The following SLC31A1 variants were observed in gnomAD, a reference collection of about 807,000 sequenced individuals.
The protein encoded by SLC31A1 is high affinity copper uptake protein 1.
Under a neutral mutation model 17.2 loss-of-function variants are expected in SLC31A1, and 5 were observed. The observed-to-expected ratio is 0.29, with a 90% CI of 0.15 to 0.61. The LOEUF (loss-of-function observed/expected upper bound fraction) is 0.61. SLC31A1 is among the 20% of genes least tolerant of loss of function. SLC31A1 has a pLI of 0.86. For missense variants in SLC31A1, 161 were observed against 241.4 expected, an observed-to-expected ratio of 0.67 and a Z score of 2.21; for synonymous variants, 76 against 78.8, an observed-to-expected ratio of 0.96 and a Z score of 0.19.
chr9:113,223,497 T>A (rs1831309855), intron 1 of SLC31A1, among the ~76,000 whole-genome samples: 1 of 152,226 alleles, frequency 6.6e-6, no homozygotes, highest in East Asian at 1.9e-4. Context: ...AGACCTGGAC[T>A]TCTACTGAGT....
At chr9:113,247,025 G>A (rs1280764274) in intron 1 of SLC31A1, among the ~76,000 whole-genome samples, 2 of 152,166 alleles carry the variant, frequency 1.3e-5, no homozygotes, top group Admixed American at 1.3e-4. Flanking sequence ...CATACAGGTC[G>A]TCAAAAGGCA....
chr9:113,236,458 G>A (rs1831461192), intron 1 of SLC31A1, among the ~76,000 whole-genome samples: 1 of 151,892 alleles, frequency 6.6e-6, no homozygotes, highest in Non-Finnish European at 1.5e-5. Context: ...CCACCTCCCG[G>A]GTTCACGCCA....
chr9:113,235,310 A>G (rs898873618), intron 1 of SLC31A1, among the ~76,000 whole-genome samples: 14 of 152,236 alleles, frequency 9.2e-5, no homozygotes, highest in African/African-American at 3.4e-4. Context: ...AATTAAGTAG[A>G]CTGACTCTAA....
intron 1 of SLC31A1, among the ~76,000 whole-genome samples, chr9:113,249,298 CAAA>C (rs56013452): frequency 1.0e-4 from 12 of 118,028 alleles, no homozygotes; most frequent in Non-Finnish European, 1.6e-4. Context: ...CCTCAATTGG[CAAA>C]AAAAAAAAAA....
In SLC31A1 at chr9:113,250,641, C is replaced by T. The variant is rs1831639740; in HGVS notation, c.-35-5473C>T. 3.5e-5 allele frequency among the ~76,000 whole-genome samples: 5 copies of T among 144,482 alleles called. No individual in the cohort carries two copies. The Admixed American group carries it at 3.5e-4, about 10-fold the overall frequency. 94.8% of individuals were successfully genotyped at this position (144,482 alleles called of 152,430 possible). A position where few individuals can be genotyped will look rare whatever the true frequency, so the allele number is the denominator to read the frequency against. On this transcript the variant is annotated intron_variant, in intron 1 of 4. Transcript: ENST00000374212. ...CATGTATACATATGTAACTAACCTGCACATTGTGCACATGTACCCTAAAAC... is the reference window on the plus strand; with the variant it reads ...CATGTATACATATGTAACTAACCTGTACATTGTGCACATGTACCCTAAAAC...
Position 113,221,622 on chromosome 9 carries a change from G to T in SLC31A1, c.-92G>T, listed in dbSNP as rs1344709963. ...GGGGCCGTTCGAAGAGTCGTGAGGGGGTGACGGGTTAAGATTCGGAGAGAG... is the reference window on the plus strand; with the variant it reads ...GGGGCCGTTCGAAGAGTCGTGAGGGTGTGACGGGTTAAGATTCGGAGAGAG... On this transcript the variant is annotated 5_prime_UTR_variant, in exon 1 of 5. Coordinates refer to ENST00000374212, the MANE Select transcript of SLC31A1 (RefSeq NM_001859.4). The T allele has an allele frequency of 8.0e-6, 3 of 376,036 alleles. No homozygotes were observed. The highest frequency in any genetic ancestry group is 1.5e-5 in the Non-Finnish European group (3 of 195,482). 23.3% of individuals were successfully genotyped at this position (376,036 alleles called of 1,614,324 possible). A position where few individuals can be genotyped will look rare whatever the true frequency, so the allele number is the denominator to read the frequency against.
chr9:113,232,258 A>G (rs547461811), intron 1 of SLC31A1, among the ~76,000 whole-genome samples: 8 of 152,318 alleles, frequency 5.3e-5, no homozygotes, highest in Admixed American at 3.3e-4. Context: ...ATAATGTATC[A>G]TTATTTCCAT....
rs573923411 is a variant in SLC31A1, at chr9:113,227,661, C to G, written c.-36+5983C>G. 4 of 152,288 alleles carry G rather than the reference C, an allele frequency of 2.6e-5. No homozygotes were observed. The East Asian group carries it at 7.7e-4, about 29-fold the overall frequency. 9.4% of individuals were successfully genotyped at this position (152,288 alleles called of 1,614,324 possible). A position where few individuals can be genotyped will look rare whatever the true frequency, so the allele number is the denominator to read the frequency against. ...ACTGAATAAAAAAAAGGGAACAGTT[C>G]AAATGTTTTCTAGTTTCTGTCTTAT... On this transcript the variant is annotated intron_variant, in intron 1 of 4. Coordinates refer to ENST00000374212, the MANE Select transcript of SLC31A1 (RefSeq NM_001859.4).
At chr9:113,234,153 G>A (rs534852384) in intron 1 of SLC31A1, among the ~76,000 whole-genome samples, 2 of 151,736 alleles carry the variant, frequency 1.3e-5, no homozygotes, top group South Asian at 2.1e-4. Context: ...AACTTTTTTG[G>A]CTCCCACTTA....
At position 113,256,133 on chromosome 9, in the gene SLC31A1, A is replaced by G; in HGVS notation, c.-16A>G. The G allele has an allele frequency of 6.2e-7, 1 of 1,611,690 alleles. No individual in the cohort carries two copies. Among genetic ancestry groups the G allele is most frequent in the Admixed American group, 1.7e-5 (1 of 60,016 alleles). ...TAAAAGAATCTTCTGCTGACTCTCA[A>G]CTTTTCCTGGAAAAAATGGATCATT... On this transcript the variant is annotated 5_prime_UTR_variant, in exon 2 of 5. Coordinates refer to ENST00000374212, the MANE Select transcript of SLC31A1 (RefSeq NM_001859.4).
Position 113,246,444 on chromosome 9 carries a change from C to T in SLC31A1, c.-35-9670C>T, listed in dbSNP as rs187151000. Among the ~76,000 whole-genome samples the T allele has an allele frequency of 2.5e-4, 37 of 147,984 alleles. 1 individual carries two copies. In the South Asian group the frequency reaches 2.6e-3, roughly 10 times the overall value. Reference sequence around the variant, plus strand: ...TCAGCTCACTGCAACCTCCGCCTCCCGGATTCAAGCGATTTTCCTGCCTCA... The same window carrying T: ...TCAGCTCACTGCAACCTCCGCCTCCTGGATTCAAGCGATTTTCCTGCCTCA... On this transcript the variant is annotated intron_variant, in intron 1 of 4. Coordinates refer to ENST00000374212, the MANE Select transcript of SLC31A1 (RefSeq NM_001859.4).
intron 1 of SLC31A1, among the ~76,000 whole-genome samples, chr9:113,255,328 T>C (rs1831707814): frequency 1.3e-5 from 2 of 152,246 alleles, no homozygotes; most frequent in South Asian, 4.1e-4. Flanking sequence ...TTGTATCTTA[T>C]TACAGATTGC....
intron 2 of SLC31A1, among the ~76,000 whole-genome samples, chr9:113,256,722 A>G (rs915022166): frequency 6.6e-6 from 1 of 152,134 alleles, no homozygotes; most frequent in Admixed American, 6.5e-5. Flanking sequence ...TTAGCTGGGC[A>G]TGATGGCATT....
At chr9:113,253,084 G>C (rs975631010) in intron 1 of SLC31A1, among the ~76,000 whole-genome samples, 1 of 151,462 alleles carries the variant, frequency 6.6e-6, no homozygotes. Context: ...CTCCAGAGTA[G>C]CTGGGACTAC....
chr9:113,256,539 G>A (rs1029980526), intron 2 of SLC31A1: 1 of 380,494 alleles, frequency 2.6e-6, no homozygotes, highest in Non-Finnish European at 4.8e-6. Context: ...AGGGGTTCTG[G>A]TCTTTATGCC....
chr9:113,258,115 G>A lies in SLC31A1; in HGVS notation c.203-579G>A, dbSNP rs1831748242. ...TTACCCATCTGTTTGTGTCTATTAT[G>A]TTGTATGGTATACTTTAAATTTAAC... is the stretch of plus-strand genomic sequence containing the variant. On this transcript the variant is annotated intron_variant, in intron 3 of 4. Transcript: ENST00000374212. This position sits in a 1 kb window ranked among gnomAD's most constrained non-coding sequence, Gnocchi z 4.8. 6.6e-6 allele frequency among the ~76,000 whole-genome samples: 1 copy of A among 152,110 alleles called. No individual in the cohort carries two copies. The highest frequency in any genetic ancestry group is 2.4e-5 in the African/African-American group (1 of 41,420).
rs1422233315 is a variant in SLC31A1 at position 113,221,648 on chromosome 9, A to G, written c.-66A>G. The G allele has an allele frequency of 8.8e-6, 3 of 342,472 alleles. No individual in the cohort carries two copies. Among genetic ancestry groups the G allele is most frequent in the Non-Finnish European group, 5.7e-6 (1 of 175,816 alleles). The allele number at this position is 342,472 out of a possible 1,614,324, so 21.2% of individuals were successfully genotyped here. A position where few individuals can be genotyped will look rare whatever the true frequency, so the allele number is the denominator to read the frequency against. On this transcript the variant is annotated 5_prime_UTR_variant, in exon 1 of 5. Coordinates refer to ENST00000374212, the MANE Select transcript of SLC31A1 (RefSeq NM_001859.4). Reference sequence around the variant, plus strand: ...GTGACGGGTTAAGATTCGGAGAGAGAGGTGCTAGTGGCTGGACTTGACCTG... The same window carrying G: ...GTGACGGGTTAAGATTCGGAGAGAGGGGTGCTAGTGGCTGGACTTGACCTG...
intron 1 of SLC31A1, among the ~76,000 whole-genome samples, chr9:113,246,764 C>A (rs902405762): frequency 6.6e-6 from 1 of 152,204 alleles, no homozygotes; most frequent in Non-Finnish European, 1.5e-5. Flanking sequence ...ATTATCGTGC[C>A]TCAGCCTCCC....
rs139733189 is a variant in SLC31A1 at position 113,263,091 on chromosome 9, C to G, written c.*2618C>G. ...GGAGGATTGCTTTAGCCCTGGAGGT[C>G]GAGGCTGCAGTAAGCCATGATTGCG... On this transcript the variant is annotated 3_prime_UTR_variant, in exon 5 of 5. Coordinates refer to ENST00000374212, the MANE Select transcript of SLC31A1 (RefSeq NM_001859.4). 6.6e-6 allele frequency: 1 copy of G among 152,240 alleles called. No individual in the cohort carries two copies. The highest frequency in any genetic ancestry group is 2.4e-5 in the African/African-American group (1 of 41,524). 9.4% of individuals were successfully genotyped at this position (152,240 alleles called of 1,614,324 possible). A position where few individuals can be genotyped will look rare whatever the true frequency, so the allele number is the denominator to read the frequency against.
Sources: gnomAD v4.1 joint callset for allele counts (sites outside exome capture counted in the v4.1 genomes callset) on GRCh38, gnomAD v4.1.1 for gene constraint, Gnocchi (gnomAD v3.1) non-coding constraint, MANE v1.5 for transcripts, NCBI Gene and HGNC (gene_info 2026-07-23, HGNC 2026-07-21) for gene names.